Variants in LNP1 observed in about 807,000 individuals in gnomAD.
LNP1 encodes the protein leukemia NUP98 fusion partner 1.
Under a neutral mutation model 14.5 loss-of-function variants are expected in LNP1, and 12 were observed. The ratio of observed to expected loss-of-function variants is 0.83; its 90% CI spans 0.53 to 1.34. The LOEUF (loss-of-function observed/expected upper bound fraction) is 1.34. LNP1 is among the 40% of genes most tolerant of loss of function. The pLI is 0.00. For synonymous variants in LNP1, 75 were observed against 71.4 expected, an observed-to-expected ratio of 1.05 and a Z score of -0.26; for missense variants, 198 against 210.9, an observed-to-expected ratio of 0.94 and a Z score of 0.38.
chr3:100,414,884 C>T (rs573090422), intron 1 of LNP1, among the ~76,000 whole-genome samples: 1 of 152,248 alleles, frequency 6.6e-6, no homozygotes, highest in Admixed American at 6.5e-5. Flanking sequence ...GTTCAGAATT[C>T]TAAATCTTGG....
chr3:100,427,457 C>A (rs1317145482), intron 1 of LNP1, among the ~76,000 whole-genome samples: 1 of 152,166 alleles, frequency 6.6e-6, no homozygotes, highest in East Asian at 1.9e-4. Context: ...CCTCTCACAA[C>A]AGACATCATC....
At chr3:100,436,908 C>A (rs1184080635) in intron 2 of LNP1, among the ~76,000 whole-genome samples, 1 of 152,166 alleles carries the variant, frequency 6.6e-6, no homozygotes, top group Admixed American at 6.5e-5. Context: ...CTCTCTCTAT[C>A]CCCACATATG....
intron 2 of LNP1, among the ~76,000 whole-genome samples, chr3:100,450,034 A>G (rs1707423222): frequency 6.6e-6 from 1 of 151,980 alleles, no homozygotes; most frequent in African/African-American, 2.4e-5. Flanking sequence ...AAAATAAAAA[A>G]ACTTTCCTTT....
At chr3:100,414,611 G>GC (rs1378149950) in intron 1 of LNP1, among the ~76,000 whole-genome samples, 3 of 152,016 alleles carry the variant, frequency 2.0e-5, no homozygotes, top group Non-Finnish European at 4.4e-5. Context: ...AATCAAGAGA[G>GC]CCCCTCAGAG....
chr3:100,406,057 G>A (rs1487537427), intron 1 of LNP1, among the ~76,000 whole-genome samples: 1 of 152,134 alleles, frequency 6.6e-6, no homozygotes, highest in East Asian at 1.9e-4. Flanking sequence ...AGGCCGAAGC[G>A]GGTGGATCAC....
intron 2 of LNP1, among the ~76,000 whole-genome samples, chr3:100,435,458 T>C (rs1194141162): frequency 6.6e-6 from 1 of 152,204 alleles, no homozygotes; most frequent in Non-Finnish European, 1.5e-5. Flanking sequence ...GTAATGTATA[T>C]ACAGTGCTTT....
chr3:100,432,904 G>A (rs1323542680), intron 2 of LNP1, among the ~76,000 whole-genome samples: 3 of 152,146 alleles, frequency 2.0e-5, no homozygotes, highest in South Asian at 2.1e-4. Flanking sequence ...AGAAGAAACC[G>A]AGTTTATTGG....
chr3:100,427,742 G>A (rs1707207659), intron 1 of LNP1, among the ~76,000 whole-genome samples: 1 of 152,146 alleles, frequency 6.6e-6, no homozygotes, highest in Non-Finnish European at 1.5e-5. Context: ...AAGGCATATG[G>A]GGTACAGTCT....
intron 1 of LNP1, among the ~76,000 whole-genome samples, chr3:100,423,502 A>C (rs1466634211): frequency 6.6e-6 from 1 of 152,048 alleles, no homozygotes; most frequent in Admixed American, 6.5e-5. Flanking sequence ...TATAAAAATA[A>C]ATAAAGGGAA....
At chr3:100,454,019 ATAT>A (rs987484632) in intron 3 of LNP1, among the ~76,000 whole-genome samples, 1 of 152,162 alleles carries the variant, frequency 6.6e-6, no homozygotes, top group African/African-American at 2.4e-5. Flanking sequence ...ACATTAGCTA[ATAT>A]TATTATTATA....
At chr3:100,437,655 G>GA (rs1707304579) in intron 2 of LNP1, among the ~76,000 whole-genome samples, 1 of 152,016 alleles carries the variant, frequency 6.6e-6, no homozygotes, top group Non-Finnish European at 1.5e-5. Context: ...AGTCCTCTTG[G>GA]CTCTGATGAT....
rs1707227083 is a variant in LNP1, at chr3:100,429,876, G to T, written c.147G>T (p.Leu49=). 6.2e-7 allele frequency: 1 copy of T among 1,613,400 alleles called. No individual in the cohort carries two copies. The highest frequency in any genetic ancestry group is 1.3e-5 in the African/African-American group (1 of 74,962). ...LQATSHRKTS[L]PCPLPVLPRI... is the part of the protein sequence containing the mutation. The stretch of plus-strand genomic sequence containing the variant: ...CCACCAGTCACAGGAAAACCTCCCT[G>T]CCCTGCCCAGTGAGTGATTGTCATG... The change falls in exon 2 of 4, where the codon CTG becomes CTT. Residue 49 remains leucine, a synonymous_variant. Transcript: ENST00000383693.
At chr3:100,443,653 G>A (rs1330704464) in intron 2 of LNP1, among the ~76,000 whole-genome samples, 4 of 152,112 alleles carry the variant, frequency 2.6e-5, no homozygotes, top group African/African-American at 7.2e-5. Flanking sequence ...ACAAGTTTGC[G>A]GCCAGTTTTC....
intron 1 of LNP1, among the ~76,000 whole-genome samples, chr3:100,421,775 A>G (rs974497962): frequency 2.6e-5 from 4 of 152,208 alleles, no homozygotes. Context: ...ATACCTTTCC[A>G]TAAAGACCTT....
chr3:100,414,623 G>A lies in LNP1; in HGVS notation c.-34+12184G>A, dbSNP rs1339644222. Among the ~76,000 whole-genome samples the A allele has an allele frequency of 2.0e-5, 3 of 152,112 alleles. No homozygotes were observed. The East Asian group carries it at 5.8e-4, about 29-fold the overall frequency. ...TCTAATCAAGAGAGCCCCTCAGAGA[G>A]GTCAAAGAGATTGGAAGTGAAAGAG... On this transcript the variant is annotated intron_variant, in intron 1 of 3. Coordinates refer to ENST00000383693, the MANE Select transcript of LNP1 (RefSeq NM_001085451.2).
chr3:100,425,885 A>T (rs577577059), intron 1 of LNP1, among the ~76,000 whole-genome samples: 8 of 152,344 alleles, frequency 5.3e-5, no homozygotes, highest in African/African-American at 1.7e-4. Context: ...GTCTAGGAAC[A>T]GCTGCATTTA....
At chr3:100,405,254 T>G (rs930220618) in intron 1 of LNP1, among the ~76,000 whole-genome samples, 1 of 152,216 alleles carries the variant, frequency 6.6e-6, no homozygotes, top group Non-Finnish European at 1.5e-5. Flanking sequence ...AAATCAGCTG[T>G]GAAGTCTTCA....
chr3:100,409,582 A>G (rs1707007749), intron 1 of LNP1, among the ~76,000 whole-genome samples: 1 of 116,466 alleles, frequency 8.6e-6, no homozygotes, highest in South Asian at 2.5e-4. Flanking sequence ...ACACACACAC[A>G]CACACACACA....
intron 1 of LNP1, among the ~76,000 whole-genome samples, chr3:100,405,111 A>G (rs142351744): frequency 2.0e-4 from 31 of 152,124 alleles, no homozygotes; most frequent in African/African-American, 6.7e-4. Context: ...CATTTTTTCT[A>G]ATAATACCAC....
Sources: gnomAD v4.1 joint callset for allele counts (sites outside exome capture counted in the v4.1 genomes callset) on GRCh38, gnomAD v4.1.1 for gene constraint, MANE v1.5 for transcripts, NCBI Gene and HGNC (gene_info 2026-07-23, HGNC 2026-07-21) for gene names.